ELF2: variants seen among roughly 807,000 people sequenced by gnomAD.
The protein encoded by ELF2 is ETS-related transcription factor Elf-2.
ELF2 carries 11 observed loss-of-function variants against 54.8 expected under a neutral mutation model. The observed-to-expected ratio is 0.20, with a 90% confidence interval of 0.13 to 0.33. The LOEUF (loss-of-function observed/expected upper bound fraction) is 0.33, where lower values mean the gene tolerates loss of function less well. ELF2 is among the 10% of genes least tolerant of loss of function. The pLI is 1.00. For missense variants in ELF2, 513 were observed against 703.0 expected, an observed-to-expected ratio of 0.73 and a Z score of 3.06; for synonymous variants, 203 against 245.1, an observed-to-expected ratio of 0.83 and a Z score of 1.61.
intron 4 of ELF2, among the ~76,000 whole-genome samples, chr4:139,086,082 ACTATT>A (rs1439264678): frequency 6.6e-6 from 1 of 152,260 alleles, no homozygotes; most frequent in Non-Finnish European, 1.5e-5. Flanking sequence ...CCATTTTACT[ACTATT>A]ATATTTATAG....
In ELF2 at chr4:139,092,414, T is replaced by TAACATAACATAACATAACATAACATA. The variant is rs70940488; in HGVS notation, c.239-18848_239-18847insTATGTTATGTTATGTTATGTTATGTT. On this transcript the variant is annotated intron_variant, in intron 4 of 9. Coordinates refer to ENST00000686138, the MANE Select transcript of ELF2 (RefSeq NM_001331036.3). ...TAACATAACATAACATAACATAACATACATAACATAACATAACATAACATA... is the reference window on the plus strand; with the variant it reads ...TAACATAACATAACATAACATAACATAACATAACATAACATAACATAACATAACATAACATAACATAACATAACATA... Among the ~76,000 whole-genome samples, 61 of 87,816 alleles carry TAACATAACATAACATAACATAACATA rather than the reference T, an allele frequency of 6.9e-4. 1 individual carries two copies. Among genetic ancestry groups the TAACATAACATAACATAACATAACATA allele is most frequent in the South Asian group, 1.2e-3 (3 of 2,508 alleles). 57.6% of individuals were successfully genotyped at this position (87,816 alleles called of 152,430 possible).
At chr4:139,122,749 C>T (rs1276807168) in intron 4 of ELF2, among the ~76,000 whole-genome samples, 1 of 151,726 alleles carries the variant, frequency 6.6e-6, no homozygotes, top group East Asian at 2.0e-4. Context: ...GATCCACCCA[C>T]CTCGGCCTCC....
At chr4:139,125,993 G>A (rs1004689028) in intron 3 of ELF2, among the ~76,000 whole-genome samples, 1 of 152,052 alleles carries the variant, frequency 6.6e-6, no homozygotes. Flanking sequence ...AGGCACAGTT[G>A]TTAGCATCAT....
chr4:139,097,387 G>A (rs186338264), intron 4 of ELF2, among the ~76,000 whole-genome samples: 5 of 152,110 alleles, frequency 3.3e-5, no homozygotes, highest in Admixed American at 1.3e-4. Flanking sequence ...AGGCCAAGGC[G>A]GGCAGATCAC....
At chr4:139,155,037 AAACT>A (rs1461410178) in intron 1 of ELF2, 1 of 152,178 alleles carries the variant, frequency 6.6e-6, no homozygotes, top group East Asian at 1.9e-4. Flanking sequence ...TGGGCAAAAT[AAACT>A]TTCTAAATTG....
intron 4 of ELF2, among the ~76,000 whole-genome samples, chr4:139,108,510 G>A (rs1734642365): frequency 6.6e-6 from 1 of 151,914 alleles, no homozygotes; most frequent in Admixed American, 6.6e-5. Flanking sequence ...TCCCATCCTA[G>A]CAATCAGGAG....
At chr4:139,160,954 C>T (rs1011208054) in intron 1 of ELF2, among the ~76,000 whole-genome samples, 35 of 152,044 alleles carry the variant, frequency 2.3e-4, no homozygotes, top group Admixed American at 2.3e-3. Context: ...CAGAGTGAGA[C>T]TCCATCTCAA....
At chr4:139,148,355 C>T in intron 1 of ELF2, among the ~76,000 whole-genome samples, 1 of 76,664 alleles carries the variant, frequency 1.3e-5, no homozygotes, top group Non-Finnish European at 2.3e-5. Context: ...TTTGTAGAGA[C>T]AGGGCTTCAT....
chr4:139,062,309 T>TA (rs565276004), intron 7 of ELF2, among the ~76,000 whole-genome samples: 84 of 152,292 alleles, frequency 5.5e-4, no homozygotes, highest in African/African-American at 2.0e-3. Context: ...TAGCTGGGAT[T>TA]ACAGGCACAT....
intron 4 of ELF2, among the ~76,000 whole-genome samples, chr4:139,107,316 T>C (rs747571175): frequency 1.2e-4 from 19 of 152,166 alleles, no homozygotes; most frequent in Admixed American, 3.9e-4. Context: ...TCTTTATAAA[T>C]AGACATTCAC....
chr4:139,160,395 A>T (rs1741013096), intron 1 of ELF2, among the ~76,000 whole-genome samples: 1 of 152,228 alleles, frequency 6.6e-6, no homozygotes, highest in African/African-American at 2.4e-5. Flanking sequence ...AATAATAATA[A>T]TAGAAACTAT....
chr4:139,169,903 T>G lies in ELF2; in HGVS notation c.-252+7064A>C, dbSNP rs949025101. On this transcript the variant is annotated intron_variant, in intron 1 of 9. Coordinates refer to ENST00000686138, the MANE Select transcript of ELF2 (RefSeq NM_001331036.3). ...CTATGTCTTCCTTTACCTCCCTGAATATGCACATAGTTTACTACGGTATGC... is the reference window on the plus strand; with the variant it reads ...CTATGTCTTCCTTTACCTCCCTGAAGATGCACATAGTTTACTACGGTATGC... 2.7e-5 allele frequency among the ~76,000 whole-genome samples: 4 copies of G among 150,606 alleles called. No homozygotes were observed. In the South Asian group the frequency reaches 8.4e-4, roughly 32 times the overall value.
intron 4 of ELF2, among the ~76,000 whole-genome samples, chr4:139,104,031 T>C (rs1204499955): frequency 6.6e-6 from 1 of 152,182 alleles, no homozygotes; most frequent in Non-Finnish European, 1.5e-5. Flanking sequence ...TTTTGGCATA[T>C]TTACAAAGTG....
chr4:139,105,836 G>A (rs186951223), intron 4 of ELF2, among the ~76,000 whole-genome samples: 4 of 152,324 alleles, frequency 2.6e-5, no homozygotes, highest in Admixed American at 2.0e-4. Context: ...AGGTAGCAGT[G>A]AGGTATAATG....
intron 4 of ELF2, among the ~76,000 whole-genome samples, chr4:139,078,886 AAAT>A (rs1325054955): frequency 6.6e-6 from 1 of 152,198 alleles, no homozygotes; most frequent in African/African-American, 2.4e-5. Flanking sequence ...AATTCATTTA[AAAT>A]AATACACCCA....
chr4:139,087,655 T>C (rs928982483), intron 4 of ELF2, among the ~76,000 whole-genome samples: 2 of 151,992 alleles, frequency 1.3e-5, no homozygotes, highest in South Asian at 2.1e-4. Flanking sequence ...TTAGTAGAGA[T>C]GGGGTTTGAC....
In ELF2 at chr4:139,057,797, C is replaced by A. The variant is rs1395966506; in HGVS notation, c.*1186G>T. On this transcript the variant is annotated 3_prime_UTR_variant, in exon 10 of 10. Transcript: ENST00000686138. ...AGAGAGATGTTTTATCACTTCCTAACTAAAACACTTCTATACTGACTTTTA... is the reference window on the plus strand; with the variant it reads ...AGAGAGATGTTTTATCACTTCCTAAATAAAACACTTCTATACTGACTTTTA... The A allele has an allele frequency of 6.6e-6, 1 of 152,430 alleles. No individual in the cohort carries two copies. Among genetic ancestry groups the A allele is most frequent in the African/African-American group, 2.4e-5 (1 of 41,404 alleles). The allele number at this position is 152,430 out of a possible 1,614,324, so 9.4% of individuals were successfully genotyped here. A position where few individuals can be genotyped will look rare whatever the true frequency, so the allele number is the denominator to read the frequency against.
At chr4:139,123,097 T>A (rs1736553753) in intron 4 of ELF2, among the ~76,000 whole-genome samples, 1 of 150,456 alleles carries the variant, frequency 6.6e-6, no homozygotes, top group Admixed American at 6.6e-5. Context: ...GGCAGGAGAA[T>A]CATTTGAACC....
chr4:139,161,981 C>G (rs971351560), intron 1 of ELF2, among the ~76,000 whole-genome samples: 1 of 152,128 alleles, frequency 6.6e-6, no homozygotes, highest in African/African-American at 2.4e-5. Flanking sequence ...GTAGTCCCAG[C>G]TACTCAAGAG....
Sources: gnomAD v4.1 joint callset for allele counts (sites outside exome capture counted in the v4.1 genomes callset) on GRCh38, gnomAD v4.1.1 for gene constraint, MANE v1.5 for transcripts, NCBI Gene and HGNC (gene_info 2026-07-23, HGNC 2026-07-21) for gene names.